The following TRERF1 variants were observed in gnomAD, a reference collection of about 807,000 sequenced individuals.
TRERF1 encodes transcriptional-regulating factor 1.
TRERF1 carries 27 observed loss-of-function variants against 122.9 expected under a neutral mutation model. That is an observed-to-expected ratio of 0.22 (90% CI 0.16 to 0.30). TRERF1 has a LOEUF of 0.30. Ranked by LOEUF, TRERF1 falls within the 10% of genes least tolerant of loss-of-function variation. TRERF1 has a pLI of 1.00. For synonymous variants in TRERF1, 636 were observed against 641.7 expected (o/e 0.99, Z 0.13); for missense variants, 1,248 against 1,560.3 (o/e 0.80, Z 3.37).
At chr6:42,379,239 A>G (rs1042889232) in intron 2 of TRERF1, among the ~76,000 whole-genome samples, 1 of 152,078 alleles carries the variant, frequency 6.6e-6, no homozygotes, top group Non-Finnish European at 1.5e-5. Context: ...TAGGCATGGT[A>G]GGTACAAGGG....
At chr6:42,245,007 T>G (rs1227748391) in intron 14 of TRERF1, among the ~76,000 whole-genome samples, 1 of 152,222 alleles carries the variant, frequency 6.6e-6, no homozygotes, top group African/African-American at 2.4e-5. Context: ...CAGTCCTGTC[T>G]CCTCAAAGTT....
chr6:42,276,452 CCTCTCGG>C lies in TRERF1; in HGVS notation c.-258-6611_-258-6605del, dbSNP rs1781167510. ...TTGGCTTGTGTTTTAGTCCAGCCTT[CCTCTCGG>C]CTCTGTCAAGGAAGCTTCACTCGAC... is the stretch of plus-strand genomic sequence containing the variant. On this transcript the variant is annotated intron_variant, in intron 4 of 17. Coordinates refer to ENST00000372922, the Ensembl canonical transcript of TRERF1. This position sits in a 1 kb window ranked among gnomAD's most constrained non-coding sequence, Gnocchi z 4.3. 6.6e-6 allele frequency among the ~76,000 whole-genome samples: 1 copy of C among 152,164 alleles called. No individual in the cohort carries two copies. Among genetic ancestry groups the C allele is most frequent in the African/African-American group, 2.4e-5 (1 of 41,426 alleles).
chr6:42,427,825 C>T (rs951642804), intron 2 of TRERF1, among the ~76,000 whole-genome samples: 1 of 152,062 alleles, frequency 6.6e-6, no homozygotes, highest in Non-Finnish European at 1.5e-5. Flanking sequence ...GTTGGAATTA[C>T]AGGCATGAGC....
intron 2 of TRERF1, among the ~76,000 whole-genome samples, chr6:42,445,492 T>G (rs1332066547): frequency 6.6e-6 from 1 of 151,910 alleles, no homozygotes; most frequent in Non-Finnish European, 1.5e-5. Flanking sequence ...TGCCGATGGC[T>G]CCCACATTTT....
At chr6:42,316,502 T>C (rs1251714247) in intron 3 of TRERF1, among the ~76,000 whole-genome samples, 5 of 152,196 alleles carry the variant, frequency 3.3e-5, no homozygotes, top group Non-Finnish European at 7.3e-5. Context: ...CCTTCATTAA[T>C]ACTCTTGAAA....
At position 42,371,812 on chromosome 6, in the gene TRERF1, C is replaced by A. The variant is rs541707249; in HGVS notation, c.-453-8733G>T. Among the ~76,000 whole-genome samples, 3 of 152,300 alleles carry A rather than the reference C, an allele frequency of 2.0e-5. No homozygotes were observed. The South Asian group carries it at 6.2e-4, about 32-fold the overall frequency. ...TGCTTGTATATGGCAAGCTCATCTG[C>A]TCAGGGGGAAATCTTGCCCTGTAGC... is the stretch of plus-strand genomic sequence containing the variant. On this transcript the variant is annotated intron_variant, in intron 2 of 17. Coordinates refer to ENST00000372922, the Ensembl canonical transcript of TRERF1.
intron 4 of TRERF1, among the ~76,000 whole-genome samples, chr6:42,272,825 C>T (rs765226453): frequency 2.6e-5 from 4 of 152,174 alleles, no homozygotes; most frequent in Non-Finnish European, 5.9e-5. Flanking sequence ...TAGCCTCATC[C>T]ACCACCCATC....
At chr6:42,225,433 CTT>C (rs1769386066) in exon 18 of TRERF1, 1 of 151,980 alleles carries the variant, frequency 6.6e-6, no homozygotes. Flanking sequence ...ATACGGTCCT[CTT>C]GTTGCCAAAA....
intron 2 of TRERF1, among the ~76,000 whole-genome samples, chr6:42,450,295 C>T (rs1429993147): frequency 6.6e-6 from 1 of 152,226 alleles, no homozygotes; most frequent in African/African-American, 2.4e-5. Flanking sequence ...CCTCAATGAC[C>T]TGCTGAAAAG....
At chr6:42,434,703 CA>C (rs1785019391) in intron 2 of TRERF1, among the ~76,000 whole-genome samples, 5 of 151,690 alleles carry the variant, frequency 3.3e-5, no homozygotes, top group South Asian at 2.1e-4. Context: ...CACACACACA[CA>C]CACACACCCC....
chr6:42,385,981 T>G (rs1337784347), intron 2 of TRERF1, among the ~76,000 whole-genome samples: 1 of 152,102 alleles, frequency 6.6e-6, no homozygotes, highest in Non-Finnish European at 1.5e-5. Context: ...ATTCTCTATA[T>G]GGGGGGAAAT....
At chr6:42,378,322 A>G (rs992172152) in intron 2 of TRERF1, among the ~76,000 whole-genome samples, 2 of 151,982 alleles carry the variant, frequency 1.3e-5, no homozygotes, top group African/African-American at 4.8e-5. Context: ...TGTCAAGCAG[A>G]GGGAACTCAA....
intron 2 of TRERF1, among the ~76,000 whole-genome samples, chr6:42,391,042 C>T (rs1035964613): frequency 7.2e-5 from 11 of 152,222 alleles, no homozygotes; most frequent in African/African-American, 2.4e-4. Context: ...AAAAGGGGGA[C>T]ATGGACACCA....
chr6:42,288,380 C>A (rs1783647433), intron 4 of TRERF1, among the ~76,000 whole-genome samples: 1 of 151,924 alleles, frequency 6.6e-6, no homozygotes, highest in Non-Finnish European at 1.5e-5. Flanking sequence ...ACCAGCCTGG[C>A]CAACATGGTG....
intron 3 of TRERF1, among the ~76,000 whole-genome samples, chr6:42,305,611 G>GT (rs200880380): frequency 2.0e-5 from 3 of 152,264 alleles, no homozygotes; most frequent in African/African-American, 7.2e-5. Flanking sequence ...GAGGACGGGG[G>GT]GTTCAGCCAG....
chr6:42,310,631 C>T (rs900272973), intron 3 of TRERF1, among the ~76,000 whole-genome samples: 7 of 152,240 alleles, frequency 4.6e-5, no homozygotes, highest in South Asian at 4.1e-4. Context: ...CAGCAAAGGA[C>T]GATCTGGTCT....
At chr6:42,345,304 C>T (rs1416368379) in intron 3 of TRERF1, among the ~76,000 whole-genome samples, 1 of 152,186 alleles carries the variant, frequency 6.6e-6, no homozygotes, top group East Asian at 1.9e-4. Flanking sequence ...GGAAAGCAAA[C>T]ACATTTGTGC....
At chr6:42,277,875 A>G (rs867970321) in intron 4 of TRERF1, among the ~76,000 whole-genome samples, 1,740 of 119,876 alleles carry the variant, frequency 0.015, 93 homozygotes, top group South Asian at 0.021. Context: ...AAGGAAGAAG[A>G]AGGAAGAAGG....
intron 3 of TRERF1, among the ~76,000 whole-genome samples, chr6:42,348,347 G>C (rs1247897132): frequency 6.6e-6 from 1 of 152,034 alleles, no homozygotes; most frequent in Non-Finnish European, 1.5e-5. Context: ...TTTGTCTCCT[G>C]GGTTCAAGCG....
Sources: allele counts gnomAD v4.1 joint callset (sites outside exome capture counted in the v4.1 genomes callset), GRCh38; gene constraint gnomAD v4.1.1; non-coding constraint Gnocchi (gnomAD v3.1); transcripts MANE v1.5; gene names NCBI Gene and HGNC (gene_info 2026-07-23, HGNC 2026-07-21).